The following AGBL1 variants were observed in gnomAD, a reference collection of about 807,000 sequenced individuals.
The protein encoded by AGBL1 is AGBL carboxypeptidase 1.
Under a neutral mutation model 118.9 loss-of-function variants are expected in AGBL1, and 130 were observed. That is an observed-to-expected ratio of 1.09 (90% CI 0.95 to 1.26). The LOEUF (loss-of-function observed/expected upper bound fraction) is 1.26, where lower values mean the gene tolerates loss of function less well. AGBL1 is among the 50% of genes most tolerant of loss of function. The pLI is 0.00. For synonymous variants in AGBL1, 555 were observed against 478.9 expected, an observed-to-expected ratio of 1.16 and a Z score of -2.08; for missense variants, 1,584 against 1,298.1, an observed-to-expected ratio of 1.22 and a Z score of -3.38.
At chr15:86,636,818 CTG>C (rs1219451817) in intron 21 of AGBL1, among the ~76,000 whole-genome samples, 1 of 141,038 alleles carries the variant, frequency 7.1e-6, no homozygotes, top group African/African-American at 2.6e-5. Context: ...AACTGAAACA[CTG>C]TGACATCACC....
intron 23 of AGBL1, among the ~76,000 whole-genome samples, chr15:86,975,758 A>G (rs1567268430): frequency 6.6e-6 from 1 of 152,132 alleles, no homozygotes; most frequent in Non-Finnish European, 1.5e-5. Context: ...CTTAAATGTC[A>G]ATTTTGCAGG....
chr15:86,340,069 C>T (rs2080438081), intron 17 of AGBL1, among the ~76,000 whole-genome samples: 1 of 152,056 alleles, frequency 6.6e-6, no homozygotes, highest in Admixed American at 6.6e-5. Flanking sequence ...ATGATAACTG[C>T]TTAAAATCTT....
chr15:86,712,906 T>A (rs567781924), intron 22 of AGBL1, among the ~76,000 whole-genome samples: 7 of 152,316 alleles, frequency 4.6e-5, no homozygotes, highest in Admixed American at 3.3e-4. Context: ...CTCTCCAGCC[T>A]CATTCCATGG....
intron 21 of AGBL1, among the ~76,000 whole-genome samples, chr15:86,614,639 T>C (rs2084698223): frequency 6.6e-6 from 1 of 152,206 alleles, no homozygotes; most frequent in African/African-American, 2.4e-5. Flanking sequence ...CTGAATGTGA[T>C]GTTAGGAAAA....
chr15:86,895,087 T>TC (rs1184908729), intron 22 of AGBL1, among the ~76,000 whole-genome samples: 3 of 152,016 alleles, frequency 2.0e-5, no homozygotes, highest in Middle Eastern at 6.8e-3. Flanking sequence ...CTTTCTTTTA[T>TC]CTTCCCTCCT....
chr15:86,514,788 A>G (rs181423338), intron 18 of AGBL1, among the ~76,000 whole-genome samples: 47 of 151,958 alleles, frequency 3.1e-4, no homozygotes, highest in Non-Finnish European at 5.0e-4. Context: ...TCTTTCTTGT[A>G]TTTTCTTGCA....
At position 86,749,680 on chromosome 15, in the gene AGBL1, A is replaced by G. The variant is rs1012890501; in HGVS notation, c.3158+75244A>G. The stretch of plus-strand genomic sequence containing the variant: ...AATAGCTCTTATTATTTTGAGATAC[A>G]TCCATCAATACCTAATTTATTGAGA... On this transcript the variant is annotated intron_variant, in intron 22 of 22. Coordinates refer to ENST00000614907, the MANE Select transcript of AGBL1 (RefSeq NM_001386094.1). Among the ~76,000 whole-genome samples the G allele has an allele frequency of 6.4e-4, 97 of 152,194 alleles. 2 individuals are homozygous for G. Among genetic ancestry groups the G allele is most frequent in the Non-Finnish European group, 2.9e-4 (20 of 67,962 alleles).
At chr15:86,304,567 G>A (rs1382911464) in intron 17 of AGBL1, among the ~76,000 whole-genome samples, 1 of 152,146 alleles carries the variant, frequency 6.6e-6, no homozygotes, top group Non-Finnish European at 1.5e-5. Context: ...CATGAAGCAG[G>A]TGCACAAGAC....
intron 22 of AGBL1, among the ~76,000 whole-genome samples, chr15:86,876,567 C>A (rs140828141): frequency 2.0e-5 from 3 of 152,284 alleles, no homozygotes; most frequent in South Asian, 2.1e-4. Context: ...GGCTGACCAG[C>A]CTGATTATGG....
rs531858171 is a variant in AGBL1 at position 87,020,963 on chromosome 15, A to C, written c.3324-7862A>C. On this transcript the variant is annotated intron_variant, in intron 24 of 24. Transcript: ENST00000441037. ...TCAATGCTATTCCCATTCAACTACC[A>C]TTGACATTCTTTACAGAATTAATTA... is the stretch of plus-strand genomic sequence containing the variant. Among the ~76,000 whole-genome samples the C allele has an allele frequency of 5.9e-5, 9 of 152,266 alleles. No individual in the cohort carries two copies. In the South Asian group the frequency reaches 1.9e-3, roughly 32 times the overall value.
At chr15:86,099,286 A>T (rs898329221) in intron 1 of AGBL1, among the ~76,000 whole-genome samples, 1 of 152,136 alleles carries the variant, frequency 6.6e-6, no homozygotes, top group African/African-American at 2.4e-5. Context: ...AATACCTTAC[A>T]TTTATTCCCA....
chr15:86,100,894 A>G (rs573847551), intron 1 of AGBL1, among the ~76,000 whole-genome samples: 1 of 151,926 alleles, frequency 6.6e-6, no homozygotes, highest in Non-Finnish European at 1.5e-5. Flanking sequence ...TTTATTAGTC[A>G]TTTCCTTCTA....
At chr15:86,257,166 A>T in intron 8 of AGBL1, 148 bp downstream of exon 8, 1 of 955,150 alleles carries the variant, frequency 1.0e-6, no homozygotes, top group Non-Finnish European at 1.5e-6. Context: ...ATGAAAAAGC[A>T]GTTTTGATTT....
chr15:86,698,883 A>G (rs901539399), intron 22 of AGBL1, among the ~76,000 whole-genome samples: 4 of 152,006 alleles, frequency 2.6e-5, no homozygotes, highest in African/African-American at 9.7e-5. Flanking sequence ...TTACTGAAAA[A>G]TAAAGATTTA....
Position 86,747,052 on chromosome 15 carries a change from C to T in AGBL1, c.3158+72616C>T, listed in dbSNP as rs545103397. ...AAACTGGAAGTGAATAGGGATGATA[C>T]CACCAATGTCTCAGCTTCACAGCCC... On this transcript the variant is annotated intron_variant, in intron 22 of 22. Transcript: ENST00000614907. Among the ~76,000 whole-genome samples the T allele has an allele frequency of 3.3e-5, 5 of 152,040 alleles. No individual in the cohort carries two copies. The South Asian group carries it at 1.0e-3, about 32-fold the overall frequency.
rs781210490 is a variant in AGBL1 at position 86,154,635 on chromosome 15, T to A, written c.394+74T>A. 2.1e-4 allele frequency: 314 copies of A among 1,500,980 alleles called. 1 individual carries two copies. Among genetic ancestry groups the A allele is most frequent in the Non-Finnish European group, 2.6e-4 (292 of 1,121,228 alleles). 93.0% of individuals were successfully genotyped at this position (1,500,980 alleles called of 1,614,324 possible). A position where few individuals can be genotyped will look rare whatever the true frequency, so the allele number is the denominator to read the frequency against. On this transcript the variant is annotated intron_variant, in intron 4 of 22. Transcript: ENST00000614907. ...GGGACACATGGAAACTGCATGAGGG[T>A]CTGGTTGGAAGAAAAGCATGGGTGA...
intron 24 of AGBL1, among the ~76,000 whole-genome samples, chr15:87,019,399 T>G (rs59861013): frequency 0.38 from 58,398 of 151,796 alleles, 11,737 homozygotes; most frequent in East Asian, 0.51. Flanking sequence ...AGCAATGTTA[T>G]AACTGAAGTT....
At chr15:86,358,390 C>T (rs1195806323) in intron 17 of AGBL1, among the ~76,000 whole-genome samples, 1 of 151,944 alleles carries the variant, frequency 6.6e-6, no homozygotes, top group Non-Finnish European at 1.5e-5. Context: ...ATAATATTCT[C>T]TTATATATAT....
chr15:86,612,328 A>G (rs992341865), intron 21 of AGBL1, among the ~76,000 whole-genome samples: 1 of 151,994 alleles, frequency 6.6e-6, no homozygotes, highest in South Asian at 2.1e-4. Context: ...AGGCATATTA[A>G]CAAAAAATAA....
Sources: gnomAD v4.1 joint callset for allele counts (sites outside exome capture counted in the v4.1 genomes callset) on GRCh38, gnomAD v4.1.1 for gene constraint, MANE v1.5 for transcripts, NCBI Gene and HGNC (gene_info 2026-07-23, HGNC 2026-07-21) for gene names.